STXBP5: variants seen among roughly 807,000 people sequenced by gnomAD.
The protein encoded by STXBP5 is syntaxin binding protein 5, also known as syntaxin-binding protein 5.
In STXBP5, 50 loss-of-function variants were observed where a neutral mutation model predicts 152.4. The ratio of observed to expected loss-of-function variants is 0.33; its 90% CI spans 0.26 to 0.42. STXBP5 has a LOEUF of 0.42. Ranked by LOEUF, STXBP5 falls within the 10% of genes least tolerant of loss-of-function variation. The pLI is 1.00. For missense variants in STXBP5, 1,167 were observed against 1,388.6 expected (o/e 0.84, Z 2.54); for synonymous variants, 492 against 494.7 (o/e 0.99, Z 0.07).
intron 11 of STXBP5, among the ~76,000 whole-genome samples, chr6:147,312,823 A>ATGAT (rs763457921): frequency 3.7e-4 from 56 of 152,300 alleles, no homozygotes; most frequent in South Asian, 8.3e-4. Flanking sequence ...TATTCTTAAT[A>ATGAT]TGATTTTCTT....
intron 25 of STXBP5, among the ~76,000 whole-genome samples, chr6:147,367,396 T>C (rs1218691130): frequency 1.3e-5 from 2 of 152,154 alleles, no homozygotes; most frequent in Non-Finnish European, 2.9e-5. Context: ...CCCAGCACTT[T>C]GGGAGGCCGA....
intron 18 of STXBP5, among the ~76,000 whole-genome samples, chr6:147,331,804 TTAAAA>T (rs1783583920): frequency 9.1e-6 from 1 of 110,390 alleles, no homozygotes; most frequent in Admixed American, 9.8e-5. Flanking sequence ...TTTCTACCAG[TTAAAA>T]AAAAAAAAAA....
rs1009276420 is a variant in STXBP5, at chr6:147,389,921, T to C, written c.*5166T>C. On this transcript the variant is annotated 3_prime_UTR_variant, in exon 28 of 28. Transcript: ENST00000321680. ...GTTAGAACCAGAAAAACACTTTTGCTTTCTAGTTATACTATTGGTTCATTG... is the reference window on the plus strand; with the variant it reads ...GTTAGAACCAGAAAAACACTTTTGCCTTCTAGTTATACTATTGGTTCATTG... The C allele has an allele frequency of 3.3e-5, 5 of 151,896 alleles. No homozygotes were observed. Among genetic ancestry groups the C allele is most frequent in the African/African-American group, 1.2e-4 (5 of 41,414 alleles). 9.4% of individuals were successfully genotyped at this position (151,896 alleles called of 1,614,324 possible). A position where few individuals can be genotyped will look rare whatever the true frequency, so the allele number is the denominator to read the frequency against.
intron 9 of STXBP5, among the ~76,000 whole-genome samples, chr6:147,302,772 G>A (rs1312202939): frequency 6.6e-6 from 1 of 152,166 alleles, no homozygotes; most frequent in Non-Finnish European, 1.5e-5. Context: ...CCAAGATGGT[G>A]CCATTGTACT....
At chr6:147,305,135 A>C (rs1273160721) in intron 9 of STXBP5, among the ~76,000 whole-genome samples, 1 of 152,160 alleles carries the variant, frequency 6.6e-6, no homozygotes, top group Non-Finnish European at 1.5e-5. Context: ...ATCTAAGACA[A>C]GATAAGTACA....
chr6:147,349,116 T>G (rs1784475641), intron 21 of STXBP5, among the ~76,000 whole-genome samples: 1 of 152,144 alleles, frequency 6.6e-6, no homozygotes, highest in African/African-American at 2.4e-5. Flanking sequence ...GCCCTCTGAA[T>G]CTGTTAATTA....
intron 2 of STXBP5, among the ~76,000 whole-genome samples, chr6:147,217,942 G>T (rs982870534): frequency 6.6e-6 from 1 of 152,098 alleles, no homozygotes; most frequent in Non-Finnish European, 1.5e-5. Flanking sequence ...TTTCTTAAAT[G>T]AGATTAGCAG....
At chr6:147,214,853 T>C (rs1346662158) in intron 2 of STXBP5, among the ~76,000 whole-genome samples, 1 of 150,648 alleles carries the variant, frequency 6.6e-6, no homozygotes, top group Non-Finnish European at 1.5e-5. Flanking sequence ...TTATCAAGAG[T>C]CCGGAAATTA....
In STXBP5 at chr6:147,383,005, C is replaced by T. The variant is rs1288216582; in HGVS notation, c.3414+7C>T. 7 of 1,612,762 alleles carry T rather than the reference C, an allele frequency of 4.3e-6. No individual in the cohort carries two copies. Among genetic ancestry groups the T allele is most frequent in the Non-Finnish European group, 5.9e-6 (7 of 1,179,218 alleles). On this transcript the variant is annotated splice_region_variant and intron_variant, in intron 27 of 27. Coordinates refer to ENST00000321680, the MANE Select transcript of STXBP5 (RefSeq NM_001127715.4). ...TTCTAAACATGCTCATGAGGTACGA[C>T]TCTCAAACAGATATTTGAACAAAAA...
chr6:147,317,866 T>G (rs1267766470), intron 16 of STXBP5, among the ~76,000 whole-genome samples: 1 of 152,242 alleles, frequency 6.6e-6, no homozygotes, highest in African/African-American at 2.4e-5. Flanking sequence ...CCCTTGTTTC[T>G]GATTTCAATG....
intron 4 of STXBP5, among the ~76,000 whole-genome samples, chr6:147,260,366 T>A (rs1383562625): frequency 6.6e-6 from 1 of 152,158 alleles, no homozygotes; most frequent in Non-Finnish European, 1.5e-5. Context: ...GACAGCCAGA[T>A]TTGAAACACA....
chr6:147,270,079 A>G (rs747685328), intron 7 of STXBP5, among the ~76,000 whole-genome samples: 2 of 152,136 alleles, frequency 1.3e-5, no homozygotes, highest in East Asian at 3.9e-4. Context: ...TAAAAGCCAC[A>G]TTAAGTACAG....
chr6:147,305,445 A>T (rs1234057110), intron 9 of STXBP5, among the ~76,000 whole-genome samples: 1 of 152,188 alleles, frequency 6.6e-6, no homozygotes, highest in Non-Finnish European at 1.5e-5. Context: ...TTGATTTGGT[A>T]GATTAAAAAA....
chr6:147,282,992 T>A (rs1169446121), intron 8 of STXBP5, among the ~76,000 whole-genome samples: 8 of 151,852 alleles, frequency 5.3e-5, no homozygotes, highest in Non-Finnish European at 1.0e-4. Context: ...AAAAAAAATG[T>A]CATAATGTTT....
chr6:147,313,637 A>G (rs559443039), intron 11 of STXBP5, among the ~76,000 whole-genome samples: 4 of 152,250 alleles, frequency 2.6e-5, no homozygotes, highest in African/African-American at 7.2e-5. Flanking sequence ...AATGAGATGT[A>G]TATATTTAAA....
rs942699921 is a variant in STXBP5, at chr6:147,387,122, C to T, written c.*2367C>T. 6.6e-6 allele frequency: 1 copy of T among 151,478 alleles called. No individual in the cohort carries two copies. Among genetic ancestry groups the T allele is most frequent in the African/African-American group, 2.4e-5 (1 of 41,298 alleles). The allele number at this position is 151,478 out of a possible 1,614,324, so 9.4% of individuals were successfully genotyped here. A position where few individuals can be genotyped will look rare whatever the true frequency, so the allele number is the denominator to read the frequency against. ...TAGAGACTCAGTTAGGATTAGAAAG[C>T]TTAAAGTATGTTTGAGTGTAGGAAA... On this transcript the variant is annotated 3_prime_UTR_variant, in exon 28 of 28. Transcript: ENST00000321680.
At chr6:147,257,981 G>A (rs970637458) in intron 4 of STXBP5, among the ~76,000 whole-genome samples, 1 of 152,166 alleles carries the variant, frequency 6.6e-6, no homozygotes, top group South Asian at 2.1e-4. Context: ...TCGTATGTCT[G>A]GTGGTTGGTT....
chr6:147,316,128 C>T (rs1782630683), intron 15 of STXBP5, 101 bp from the exon 16 acceptor site: 2 of 1,138,820 alleles, frequency 1.8e-6, no homozygotes, highest in Non-Finnish European at 2.5e-6. Context: ...AATCTTCTTG[C>T]CACTGAAGTT....
At chr6:147,351,379 CTG>C (rs1405113844) in intron 21 of STXBP5, among the ~76,000 whole-genome samples, 3 of 152,180 alleles carry the variant, frequency 2.0e-5, no homozygotes, top group African/African-American at 7.2e-5. Context: ...TACCTTTAGA[CTG>C]TGCCAAATTT....
Sources: allele counts gnomAD v4.1 joint callset (sites outside exome capture counted in the v4.1 genomes callset), GRCh38; gene constraint gnomAD v4.1.1; transcripts MANE v1.5; gene names NCBI Gene and HGNC (gene_info 2026-07-23, HGNC 2026-07-21).